ADCY1: variants seen among roughly 807,000 people sequenced by gnomAD.
ADCY1 encodes the protein adenylate cyclase 1.
A neutral mutation model predicts 105.4 loss-of-function variants in ADCY1; 28 were observed. The observed-to-expected ratio is 0.27, with a 90% CI of 0.20 to 0.36. The LOEUF (loss-of-function observed/expected upper bound fraction) is 0.36, where lower values mean the gene tolerates loss of function less well. ADCY1 is among the 10% of genes least tolerant of loss of function. ADCY1 has a pLI of 1.00. For synonymous variants in ADCY1, 655 were observed against 623.8 expected (o/e 1.05, Z -0.75); for missense variants, 977 against 1,434.2 (o/e 0.68, Z 5.15).
chr7:45,661,323 T>C (rs1006079282), intron 7 of ADCY1, among the ~76,000 whole-genome samples: 12 of 152,126 alleles, frequency 7.9e-5, no homozygotes, highest in Middle Eastern at 6.8e-3. Context: ...TGGAGATTTG[T>C]ACCTACCTGT....
In ADCY1 at chr7:45,708,218, T is replaced by G; in HGVS notation, c.2818-132T>G. On this transcript the variant is annotated intron_variant, in intron 17 of 19. Transcript: ENST00000297323. The surrounding 1 kb of genome is among the most constrained non-coding windows in gnomAD (Gnocchi z 4.7). ...GTCTCCTACCTGTAGAATGGAATGA[T>G]AAATGTGCCTATAGCCAGGCACTCA... 1 of 631,820 alleles carries G rather than the reference T, an allele frequency of 1.6e-6. No individual in the cohort carries two copies. Among genetic ancestry groups the G allele is most frequent in the East Asian group, 2.8e-5 (1 of 35,996 alleles). The allele number at this position is 631,820 out of a possible 1,614,324, so 39.1% of individuals were successfully genotyped here.
chr7:45,583,518 C>T (rs906357038), intron 1 of ADCY1, among the ~76,000 whole-genome samples: 3 of 152,206 alleles, frequency 2.0e-5, no homozygotes, highest in Non-Finnish European at 4.4e-5. Flanking sequence ...TTCCTTCTCC[C>T]AAGTAGACTC....
intron 2 of ADCY1, among the ~76,000 whole-genome samples, chr7:45,606,017 G>A (rs1202595171): frequency 6.6e-6 from 1 of 152,212 alleles, no homozygotes; most frequent in Non-Finnish European, 1.5e-5. Flanking sequence ...ACTGCCAGGT[G>A]GGGTTAGAAG....
In ADCY1 at chr7:45,576,783, C is replaced by T. The variant is rs747663179; in HGVS notation, c.639+1601C>T. 1.2e-3 allele frequency among the ~76,000 whole-genome samples: 176 copies of T among 152,238 alleles called. 1 individual carries two copies. The highest frequency in any genetic ancestry group is 3.4e-3 in the Middle Eastern group (1 of 294). On this transcript the variant is annotated intron_variant, in intron 1 of 19. Coordinates refer to ENST00000297323, the MANE Select transcript of ADCY1 (RefSeq NM_021116.4). ...CCGCAAGACGGCCTCCCCAATCTGA[C>T]CAGATGCCAGGGCAGCTTGGGAATA... is the stretch of plus-strand genomic sequence containing the variant.
At chr7:45,633,157 A>G (rs1428638842) in intron 4 of ADCY1, among the ~76,000 whole-genome samples, 1 of 152,170 alleles carries the variant, frequency 6.6e-6, no homozygotes, top group East Asian at 1.9e-4. Context: ...GCCTCAAGTG[A>G]TCCACCTGCC....
intron 17 of ADCY1, among the ~76,000 whole-genome samples, chr7:45,705,325 A>G (rs1323848067): frequency 6.6e-6 from 1 of 152,210 alleles, no homozygotes; most frequent in East Asian, 1.9e-4. Context: ...AACCCCCAAC[A>G]AATATTAGCA....
chr7:45,706,817 G>A (rs116425416), intron 17 of ADCY1, among the ~76,000 whole-genome samples: 4,328 of 151,958 alleles, frequency 0.028, 207 homozygotes, highest in African/African-American at 0.099. Flanking sequence ...TCTGATAAAG[G>A]ACTTGTATCT....
chr7:45,663,415 C>T (rs1795182682), intron 8 of ADCY1, among the ~76,000 whole-genome samples: 1 of 152,200 alleles, frequency 6.6e-6, no homozygotes, highest in Non-Finnish European at 1.5e-5. Context: ...CCTCAGGGTC[C>T]CTGTTCCCCA....
At chr7:45,672,990 C>T (rs912293777) in intron 8 of ADCY1, among the ~76,000 whole-genome samples, 3 of 152,068 alleles carry the variant, frequency 2.0e-5, no homozygotes, top group African/African-American at 7.2e-5. Context: ...CCCTCAATTC[C>T]TAGTTTTCTG....
At chr7:45,642,056 A>G (rs1204543892) in intron 4 of ADCY1, among the ~76,000 whole-genome samples, 1 of 152,076 alleles carries the variant, frequency 6.6e-6, no homozygotes, top group Non-Finnish European at 1.5e-5. Context: ...ACAATGACAC[A>G]GACAGTCCCG....
At chr7:45,626,803 C>A (rs1434444569) in intron 4 of ADCY1, among the ~76,000 whole-genome samples, 1 of 152,214 alleles carries the variant, frequency 6.6e-6, no homozygotes, top group African/African-American at 2.4e-5. Flanking sequence ...GATTAGGGAT[C>A]TCACCAGCCA....
At chr7:45,684,006 C>T (rs1242560965) in intron 11 of ADCY1, among the ~76,000 whole-genome samples, 2 of 152,250 alleles carry the variant, frequency 1.3e-5, no homozygotes, top group African/African-American at 4.8e-5. Context: ...GGATCAAGGA[C>T]TTGCACCTGC....
At chr7:45,601,140 T>C in intron 2 of ADCY1, among the ~76,000 whole-genome samples, 1 of 152,190 alleles carries the variant, frequency 6.6e-6, no homozygotes, top group Non-Finnish European at 1.5e-5. Context: ...CTGGGCTCCC[T>C]GGATGGCTGA....
chr7:45,679,185 A>G (rs1028999409), intron 10 of ADCY1, among the ~76,000 whole-genome samples: 1 of 152,178 alleles, frequency 6.6e-6, no homozygotes, highest in Admixed American at 6.5e-5. Flanking sequence ...TCTGAGTTTG[A>G]AAGCACATGG....
intron 14 of ADCY1, among the ~76,000 whole-genome samples, chr7:45,696,835 A>G (rs1410126688): frequency 6.6e-6 from 1 of 152,192 alleles, no homozygotes; most frequent in Non-Finnish European, 1.5e-5. Flanking sequence ...AAATGTGCAC[A>G]GGCTGCTGCT....
At position 45,678,063 on chromosome 7, in the gene ADCY1, G is replaced by A. The variant is rs1004535848; in HGVS notation, c.1800G>A (p.Lys600=). 6.8e-6 allele frequency: 11 copies of A among 1,613,880 alleles called. No homozygotes were observed. Among genetic ancestry groups the A allele is most frequent in the African/African-American group, 1.3e-5 (1 of 74,894 alleles). Residue 600 remains lysine (K), a splice_region_variant and synonymous_variant, in exon 9 of 20, where the codon AAG becomes AAA. Coordinates refer to ENST00000297323, the MANE Select transcript of ADCY1 (RefSeq NM_021116.4). ...LKYKHVEREQ[K]YHQLQDEYFT... is the part of the protein sequence containing the mutation. ...ACAAACATGTCGAACGGGAGCAAAA[G>A]GTAAGCAACTCTGGTTTTCGGCTTC...
In ADCY1 at chr7:45,713,676, C is replaced by G. The variant is rs761188632; in HGVS notation, c.3058-17C>G. On this transcript the variant is annotated splice_polypyrimidine_tract_variant and intron_variant, in intron 19 of 19. Coordinates refer to ENST00000297323, the MANE Select transcript of ADCY1 (RefSeq NM_021116.4). ...CCTCATTGCCCTGAAGTAACACTCACTTCTCTCCATCAACAGGTGACTGAG... is the reference window on the plus strand; with the variant it reads ...CCTCATTGCCCTGAAGTAACACTCAGTTCTCTCCATCAACAGGTGACTGAG... 11 of 775,206 alleles carry G rather than the reference C, an allele frequency of 1.4e-5. No individual in the cohort carries two copies. The African/African-American group carries it at 1.5e-4, about 11-fold the overall frequency. 48.0% of individuals were successfully genotyped at this position (775,206 alleles called of 1,614,324 possible).
intron 3 of ADCY1, among the ~76,000 whole-genome samples, chr7:45,612,844 C>T (rs1420722917): frequency 1.3e-5 from 2 of 152,078 alleles, no homozygotes; most frequent in East Asian, 1.9e-4. Flanking sequence ...TGATAGATAC[C>T]ATAACTTCCC....
At chr7:45,704,853 C>A (rs1164882550) in intron 17 of ADCY1, among the ~76,000 whole-genome samples, 1 of 151,990 alleles carries the variant, frequency 6.6e-6, no homozygotes, top group Non-Finnish European at 1.5e-5. Context: ...CTGCTAGACA[C>A]CTCCCCCTAG....
Sources: allele counts gnomAD v4.1 joint callset (sites outside exome capture counted in the v4.1 genomes callset), GRCh38; gene constraint gnomAD v4.1.1; non-coding constraint Gnocchi (gnomAD v3.1); transcripts MANE v1.5; gene names NCBI Gene and HGNC (gene_info 2026-07-23, HGNC 2026-07-21).